Variants in EVC2 observed in about 807,000 individuals in gnomAD.
EVC2 encodes EvC ciliary complex subunit 2.
A neutral mutation model predicts 149.3 loss-of-function variants in EVC2; 148 were observed. That is an observed-to-expected ratio of 0.99 (90% CI 0.87 to 1.14). EVC2 has a LOEUF of 1.14. Among genes scored for constraint, EVC2 ranks in the 50% most tolerant of loss-of-function variants. EVC2 has a pLI of 0.00. For synonymous variants in EVC2, 776 were observed against 649.9 expected, an observed-to-expected ratio of 1.19 and a Z score of -2.95; for missense variants, 1,854 against 1,627.3, an observed-to-expected ratio of 1.14 and a Z score of -2.40.
intron 16 of EVC2, among the ~76,000 whole-genome samples, chr4:5,598,260 A>G (rs1401092323): frequency 1.3e-5 from 2 of 152,028 alleles, no homozygotes; most frequent in Non-Finnish European, 2.9e-5. Context: ...CGCATCGCCA[A>G]GTCAATCCTA....
downstream of EVC2, among the ~76,000 whole-genome samples, chr4:5,561,653 T>A (rs1721964536): frequency 6.6e-6 from 1 of 152,168 alleles, no homozygotes; most frequent in Non-Finnish European, 1.5e-5. Flanking sequence ...ATAAGCATTT[T>A]AGTTAGAAGA....
At chr4:5,702,880 G>A (rs1721912182) in intron 1 of EVC2, among the ~76,000 whole-genome samples, 1 of 152,200 alleles carries the variant, frequency 6.6e-6, no homozygotes, top group Admixed American at 6.5e-5. Context: ...AAATGGGAAT[G>A]TTATACCTTC....
intron 16 of EVC2, among the ~76,000 whole-genome samples, chr4:5,611,870 G>C (rs369805582): frequency 6.6e-6 from 1 of 152,096 alleles, no homozygotes; most frequent in Non-Finnish European, 1.5e-5. Flanking sequence ...TAACCTAAGC[G>C]GCTGAACTTT....
chr4:5,664,062 A>G (rs1021059465), intron 8 of EVC2, among the ~76,000 whole-genome samples: 1 of 152,252 alleles, frequency 6.6e-6, no homozygotes, highest in Non-Finnish European at 1.5e-5. Context: ...GCATAGCTAT[A>G]GCTAACCTTT....
At chr4:5,534,782 TCA>T in the EVC2 span, among the ~76,000 whole-genome samples, 2 of 144,344 alleles carry the variant, frequency 1.4e-5, no homozygotes, top group Admixed American at 1.4e-4. Context: ...CCTCTGCAGT[TCA>T]CAGTGGTCTG....
the EVC2 span, among the ~76,000 whole-genome samples, chr4:5,530,077 T>A: frequency 1.3e-4 from 20 of 152,340 alleles, no homozygotes; most frequent in Admixed American, 8.5e-4. Flanking sequence ...CCTCCCAAAG[T>A]GTTGGGATTA....
chr4:5,681,225 T>C, intron 7 of EVC2, 35 bp downstream of exon 7: 1 of 1,611,414 alleles, frequency 6.2e-7, no homozygotes, highest in Non-Finnish European at 8.5e-7. Flanking sequence ...CACAGGTGTG[T>C]CCTGAGGGTG....
rs1356140358 is a variant in EVC2 at position 5,614,806 on chromosome 4, CAT to C, written c.2829+614_2829+615del. On this transcript the variant is annotated intron_variant, in intron 16 of 21. Transcript: ENST00000344408. The surrounding 1 kb of genome is among the most constrained non-coding windows in gnomAD (Gnocchi z 4.7). ...CAATCTGGCCAACATGGTGAAACCA[CAT>C]GTCTACTAAAAATACAAAAATTAGC... Among the ~76,000 whole-genome samples the C allele has an allele frequency of 6.8e-6, 1 of 147,856 alleles. No homozygotes were observed. Among genetic ancestry groups the C allele is most frequent in the African/African-American group, 2.6e-5 (1 of 39,014 alleles).
intron 20 of EVC2, among the ~76,000 whole-genome samples, chr4:5,565,775 T>G (rs1351888778): frequency 1.3e-5 from 2 of 152,094 alleles, no homozygotes; most frequent in Non-Finnish European, 2.9e-5. Flanking sequence ...CCCCAGAGTG[T>G]TCACCATTTA....
chr4:5,691,469 C>G, intron 3 of EVC2, 136 bp from the exon 4 acceptor site: 1 of 706,840 alleles, frequency 1.4e-6, no homozygotes, highest in South Asian at 1.8e-5. Context: ...ATCTTGAAGT[C>G]TTATTTTTTA....
intron 16 of EVC2, among the ~76,000 whole-genome samples, chr4:5,612,501 G>T (rs913181046): frequency 1.3e-5 from 2 of 152,152 alleles, no homozygotes; most frequent in Non-Finnish European, 2.9e-5. Context: ...GGAAGAGGTT[G>T]CTCCCTGCTG....
intron 19 of EVC2, among the ~76,000 whole-genome samples, chr4:5,571,347 T>C (rs1313419339): frequency 7.0e-6 from 1 of 142,538 alleles, no homozygotes; most frequent in East Asian, 2.1e-4. Context: ...AGACTATACA[T>C]TGATACAATG....
chr4:5,592,968 T>C (rs1019281691), intron 16 of EVC2, among the ~76,000 whole-genome samples: 37 of 152,214 alleles, frequency 2.4e-4, no homozygotes, highest in African/African-American at 7.7e-4. Context: ...ATTACCTCCA[T>C]GCTGTTCTCC....
In EVC2 at chr4:5,696,798, G is replaced by A. The variant is rs562870135; in HGVS notation, c.283+795C>T. 1.8e-4 allele frequency among the ~76,000 whole-genome samples: 28 copies of A among 152,268 alleles called. No homozygotes were observed. Among genetic ancestry groups the A allele is most frequent in the Admixed American group, 6.5e-4 (10 of 15,308 alleles). On this transcript the variant is annotated intron_variant, in intron 2 of 21. Transcript: ENST00000344408. This position sits in a 1 kb window ranked among gnomAD's most constrained non-coding sequence, Gnocchi z 4.1. ...ATGAAATGAGTGTCAGTTGAATTTC[G>A]ACCACTGAGTGTGGCAAGCTGAATA...
At chr4:5,697,506 G>T in intron 2 of EVC2, 87 bp downstream of exon 2, 3 of 1,311,376 alleles carry the variant, frequency 2.3e-6, no homozygotes, top group Non-Finnish European at 2.2e-6. Context: ...GATCAGCAGA[G>T]AGTGAGGGAG....
intron 19 of EVC2, among the ~76,000 whole-genome samples, chr4:5,570,657 G>A (rs1290185299): frequency 6.6e-6 from 1 of 152,114 alleles, no homozygotes; most frequent in Non-Finnish European, 1.5e-5. Context: ...ATATATGCAA[G>A]GAAAATAAGT....
At chr4:5,698,738 A>G (rs1045606248) in intron 1 of EVC2, among the ~76,000 whole-genome samples, 4 of 152,238 alleles carry the variant, frequency 2.6e-5, no homozygotes, top group Non-Finnish European at 5.9e-5. Context: ...CAGTAATGAG[A>G]TAACTCACTC....
At chr4:5,708,089 G>A (rs1168683021) in intron 1 of EVC2, 197 bp downstream of exon 1, 1 of 457,666 alleles carries the variant, frequency 2.2e-6, no homozygotes, top group East Asian at 3.6e-5. Flanking sequence ...GCCACACCCC[G>A]AGGAAGGTCT....
chr4:5,549,346 A>G (rs1052426887), intron 21 of EVC2, among the ~76,000 whole-genome samples: 12 of 152,200 alleles, frequency 7.9e-5, no homozygotes, highest in African/African-American at 2.7e-4. Flanking sequence ...GGGGAATACA[A>G]TGAGTAGTAA....
Sources: allele counts gnomAD v4.1 joint callset (sites outside exome capture counted in the v4.1 genomes callset), GRCh38; gene constraint gnomAD v4.1.1; non-coding constraint Gnocchi (gnomAD v3.1); transcripts MANE v1.5; gene names NCBI Gene and HGNC (gene_info 2026-07-23, HGNC 2026-07-21).